The following TESPA1 variants were observed in gnomAD, a reference collection of about 807,000 sequenced individuals.
TESPA1 encodes protein TESPA1.
TESPA1 carries 33 observed loss-of-function variants against 57.9 expected under a neutral mutation model. The observed-to-expected ratio is 0.57, with a 90% CI of 0.43 to 0.76. The LOEUF is 0.76. Ranked by LOEUF, TESPA1 falls within the 30% of genes least tolerant of loss-of-function variation. The pLI, the probability that TESPA1 is intolerant of heterozygous loss-of-function variation, is 0.00. For synonymous variants in TESPA1, 227 were observed against 228.9 expected, an observed-to-expected ratio of 0.99 and a Z score of 0.07; for missense variants, 618 against 632.9, an observed-to-expected ratio of 0.98 and a Z score of 0.25.
At chr12:54,968,103 T>C (rs1951563898) in intron 3 of TESPA1, 3 of 1,229,674 alleles carry the variant, frequency 2.4e-6, no homozygotes, top group Non-Finnish European at 2.2e-6. Context: ...GAATGCACTA[T>C]ATTTTAGATT....
chr12:54,976,466 G>A (rs1419111929), intron 1 of TESPA1, among the ~76,000 whole-genome samples: 1 of 150,344 alleles, frequency 6.7e-6, no homozygotes, highest in Non-Finnish European at 1.5e-5. Context: ...TTTGGTCGTA[G>A]AACTCAAAAG....
chr12:54,973,490 G>T lies in TESPA1; in HGVS notation c.193C>A (p.Leu65Met). The change falls in exon 3 of 11, where the codon CTG becomes ATG. Residue 65 changes from leucine to methionine, a missense_variant. Physicochemically the swap from Leu to Met is conservative, Grantham distance 15. Coordinates refer to ENST00000449076, the MANE Select transcript of TESPA1 (RefSeq NM_001136030.3). ...GNPINKIEDW[L>M]QDCGYSEEGF... ...TCCAGCACTTACCCGCAATCCTGCA[G>T]CCAGTCTTCAATTTTATTGATTGGA... 9.9e-6 allele frequency: 16 copies of T among 1,613,974 alleles called. No individual in the cohort carries two copies. The highest frequency in any genetic ancestry group is 1.6e-4 in the Middle Eastern group (1 of 6,062).
intron 9 of TESPA1, 42 bp from the exon 10 acceptor site, chr12:54,961,309 G>GA: frequency 1.2e-6 from 2 of 1,611,050 alleles, no homozygotes. Context: ...AGCCAAGGGG[G>GA]AAAGGGGGTA....
intron 7 of TESPA1, among the ~76,000 whole-genome samples, chr12:54,964,590 C>G (rs142147433): frequency 5.3e-5 from 8 of 152,192 alleles, no homozygotes; most frequent in Non-Finnish European, 7.3e-5. Context: ...TTGGGTGACA[C>G]TAGAGCTTAG....
chr12:54,968,846 G>C (rs914986757), intron 3 of TESPA1, among the ~76,000 whole-genome samples: 2 of 151,888 alleles, frequency 1.3e-5, no homozygotes, highest in African/African-American at 4.8e-5. Flanking sequence ...ATCCACTGGT[G>C]CTGGTCCTAA....
Position 54,961,315 on chromosome 12 carries a change from G to A in TESPA1, c.1468-48C>T, listed in dbSNP as rs1951061376. The A allele has an allele frequency of 6.2e-6, 10 of 1,608,566 alleles. No individual in the cohort carries two copies. In the Admixed American group the frequency reaches 1.2e-4, roughly 19 times the overall value. ...CTCAGCCAGAGCCAAGGGGGAAAGG[G>A]GGTAAGGAAAGGTGCAGGTGGCAGG... On this transcript the variant is annotated intron_variant, in intron 9 of 10. Transcript: ENST00000449076.
rs1378980810 is a variant in TESPA1 at position 54,962,992 on chromosome 12, T to A, written c.906A>T (p.Pro302=). Residue 302 remains proline (P), a synonymous_variant, in exon 9 of 11, where the codon CCA becomes CCT. Transcript: ENST00000449076. ...LYTCPRDRPP[P]PHNTPKRNSL... ...TGTTCCTTTTGGGGGTGTTGTGGGG[T>A]GGTGGTGGCCGGTCTCGGGGGCATG... 6.2e-7 allele frequency: 1 copy of A among 1,612,978 alleles called. No individual in the cohort carries two copies. The highest frequency in any genetic ancestry group is 1.3e-5 in the African/African-American group (1 of 74,664).
At chr12:54,982,906 CAATCTGA>C (rs1565879626) in intron 1 of TESPA1, among the ~76,000 whole-genome samples, 1 of 152,124 alleles carries the variant, frequency 6.6e-6, no homozygotes, top group Non-Finnish European at 1.5e-5. Context: ...ACTCTTTTCT[CAATCTGA>C]AATCTGTGTT....
At position 54,948,854 on chromosome 12, in the gene TESPA1, T is replaced by C. The variant is rs1405367277; in HGVS notation, c.*1538A>G. 6.6e-6 allele frequency: 1 copy of C among 152,202 alleles called. No individual in the cohort carries two copies. Among genetic ancestry groups the C allele is most frequent in the African/African-American group, 2.4e-5 (1 of 41,440 alleles). The allele number at this position is 152,202 out of a possible 1,614,324, so 9.4% of individuals were successfully genotyped here. On this transcript the variant is annotated 3_prime_UTR_variant, in exon 11 of 11. Coordinates refer to ENST00000449076, the MANE Select transcript of TESPA1 (RefSeq NM_001136030.3). ...TTTCCCCTCAGCTTGACCAAATAGG[T>C]TTCTTCCTGACTTCAGGCCCTTGAC... is the stretch of plus-strand genomic sequence containing the variant.
chr12:54,973,316 C>A (rs745860020), intron 3 of TESPA1, among the ~76,000 whole-genome samples, 161 bp downstream of exon 3: 1 of 152,152 alleles, frequency 6.6e-6, no homozygotes, highest in African/African-American at 2.4e-5. Context: ...CACCAGTTCA[C>A]CCTAAACCCG....
At chr12:54,970,810 G>A (rs4759127) in intron 3 of TESPA1, among the ~76,000 whole-genome samples, 55,417 of 152,072 alleles carry the variant, frequency 0.36, 12,983 homozygotes, top group East Asian at 0.92. Flanking sequence ...GGGAGGAGGG[G>A]TTGGATTGTG....
chr12:54,972,936 G>A (rs1951925006), intron 3 of TESPA1, among the ~76,000 whole-genome samples: 1 of 152,166 alleles, frequency 6.6e-6, no homozygotes, highest in African/African-American at 2.4e-5. Flanking sequence ...GGTACAGGCT[G>A]ATGGGCTGTG....
intron 1 of TESPA1, among the ~76,000 whole-genome samples, chr12:54,981,304 A>G (rs969365550): frequency 6.6e-6 from 1 of 152,010 alleles, no homozygotes; most frequent in African/African-American, 2.4e-5. Context: ...AGAAGGTGAG[A>G]ATTGCAGGGT....
intron 3 of TESPA1, among the ~76,000 whole-genome samples, chr12:54,972,206 A>G (rs1477722225): frequency 1.3e-5 from 2 of 152,218 alleles, no homozygotes; most frequent in East Asian, 3.8e-4. Flanking sequence ...TTTGTAGAGC[A>G]TGAGTGAAGA....
rs1192516489 is a variant in TESPA1 at position 54,963,926 on chromosome 12, C to T, written c.471G>A (p.Val157=). Residue 157 remains valine (V), a synonymous_variant, in exon 8 of 11, where the codon GTG becomes GTA. Transcript: ENST00000449076. ...SSSISEILDK[V]QEDAEDVLFS... ...AGAGGACATCTTCTGCATCTTCTTG[C>T]ACTTTGTCCAGAATTTCTGAGATGC... The T allele has an allele frequency of 1.9e-6, 3 of 1,613,668 alleles. No individual in the cohort carries two copies. The African/African-American group carries it at 4.0e-5, about 22-fold the overall frequency.
chr12:54,965,334 G>T (rs1951357315), intron 7 of TESPA1, among the ~76,000 whole-genome samples: 1 of 152,138 alleles, frequency 6.6e-6, no homozygotes, highest in East Asian at 1.9e-4. Flanking sequence ...TTTCCCAATG[G>T]TCTCCCTCCT....
chr12:54,959,337 C>A (rs115367814), intron 10 of TESPA1, among the ~76,000 whole-genome samples: 2,395 of 152,304 alleles, frequency 0.016, 56 homozygotes, highest in African/African-American at 0.054. Flanking sequence ...TTTTTGGTAT[C>A]TAGTTTCTCC....
chr12:54,975,513 A>C (rs1343127049), intron 1 of TESPA1, among the ~76,000 whole-genome samples: 1 of 152,078 alleles, frequency 6.6e-6, no homozygotes, highest in Middle Eastern at 3.2e-3. Flanking sequence ...AAGCTAATGT[A>C]ATATTCATTG....
intron 4 of TESPA1, 47 bp downstream of exon 4, chr12:54,967,796 T>TC: frequency 6.2e-7 from 1 of 1,608,374 alleles, no homozygotes; most frequent in Non-Finnish European, 8.5e-7. Context: ...CACAGGTATA[T>TC]CACTCTCCAG....
Sources: allele counts gnomAD v4.1 joint callset (sites outside exome capture counted in the v4.1 genomes callset), GRCh38; gene constraint gnomAD v4.1.1; transcripts MANE v1.5; gene names NCBI Gene and HGNC (gene_info 2026-07-23, HGNC 2026-07-21).